Variants in HNF4G observed in about 807,000 individuals in gnomAD.
HNF4G encodes the protein hepatocyte nuclear factor 4 gamma, also known as hepatocyte nuclear factor 4-gamma.
In HNF4G, 21 loss-of-function variants were observed where a neutral mutation model predicts 50.9. That is an observed-to-expected ratio of 0.41 (90% CI 0.29 to 0.59). The LOEUF is 0.59. Ranked by LOEUF, HNF4G falls within the 20% of genes least tolerant of loss-of-function variation. The pLI is 0.26. For synonymous variants in HNF4G, 198 were observed against 185.6 expected (o/e 1.07, Z -0.54); for missense variants, 527 against 559.4 (o/e 0.94, Z 0.58).
intron 1 of HNF4G, among the ~76,000 whole-genome samples, chr8:75,469,294 C>G (rs972312801): frequency 6.6e-6 from 1 of 152,088 alleles, no homozygotes; most frequent in African/African-American, 2.4e-5. Flanking sequence ...GAAATATACC[C>G]CACCCACAGT....
intron 2 of HNF4G, among the ~76,000 whole-genome samples, chr8:75,523,249 A>AT: frequency 6.6e-6 from 1 of 152,010 alleles, no homozygotes; most frequent in South Asian, 2.1e-4. Context: ...AAGAAAGACA[A>AT]TTTTTCAATC....
chr8:75,560,194 C>G, intron 8 of HNF4G, 150 bp from the exon 9 acceptor site: 1 of 652,240 alleles, frequency 1.5e-6, no homozygotes, highest in East Asian at 2.9e-5. Flanking sequence ...TCTTAATATG[C>G]CAGTGGTTCT....
At chr8:75,487,411 A>G (rs188997692) in intron 1 of HNF4G, among the ~76,000 whole-genome samples, 1 of 152,302 alleles carries the variant, frequency 6.6e-6, no homozygotes, top group African/African-American at 2.4e-5. Flanking sequence ...CAAATCTTTA[A>G]TGGCTTCCAA....
Position 75,518,768 on chromosome 8 carries a change from G to A in HNF4G, c.-23-25043G>A, listed in dbSNP as rs1394525512. Among the ~76,000 whole-genome samples, 3 of 151,902 alleles carry A rather than the reference G, an allele frequency of 2.0e-5. 1 individual carries two copies. Among genetic ancestry groups the A allele is most frequent in the Non-Finnish European group, 4.4e-5 (3 of 67,996 alleles). ...TTTTTTTTTTCCTCCTAGACCTCCT[G>A]GCTTGTGATGGGAGGGACTGCCACG... On this transcript the variant is annotated intron_variant, in intron 2 of 10. Transcript: ENST00000354370.
rs539269980 is a variant in HNF4G, at chr8:75,529,246, G to C, written c.-23-14565G>C. Among the ~76,000 whole-genome samples, 33 of 151,876 alleles carry C rather than the reference G, an allele frequency of 2.2e-4. No homozygotes were observed. The South Asian group carries it at 6.3e-3, about 29-fold the overall frequency. On this transcript the variant is annotated intron_variant, in intron 2 of 10. Coordinates refer to the HNF4G transcript ENST00000354370. Reference sequence around the variant, plus strand: ...GCGGAGCTTGCAGTGAGCTGAGATCGCGCCACTGCACTCCAGCCTGGGCAA... The same window carrying C: ...GCGGAGCTTGCAGTGAGCTGAGATCCCGCCACTGCACTCCAGCCTGGGCAA...
chr8:75,503,438 G>A (rs915487107), intron 2 of HNF4G, among the ~76,000 whole-genome samples: 2 of 152,088 alleles, frequency 1.3e-5, no homozygotes, highest in East Asian at 3.9e-4. Context: ...AAGAGAGTTG[G>A]GTGTACAGTG....
At chr8:75,556,750 T>G (rs912531075) in intron 6 of HNF4G, among the ~76,000 whole-genome samples, 2 of 152,222 alleles carry the variant, frequency 1.3e-5, no homozygotes, top group African/African-American at 4.8e-5. Flanking sequence ...TGTGAAAATA[T>G]GACTAGATTA....
In HNF4G at chr8:75,457,128, T is replaced by C. The variant is rs1033142047; in HGVS notation, c.-143-32961T>C. 1.1e-4 allele frequency among the ~76,000 whole-genome samples: 16 copies of C among 152,346 alleles called. No homozygotes were observed. In the East Asian group the frequency reaches 1.5e-3, roughly 15 times the overall value. On this transcript the variant is annotated intron_variant, in intron 1 of 10. Transcript: ENST00000354370. ...TCCATTGGCTAATGAATTGATTCAG[T>C]CATTTACCAAGCATCTGAAGCATTC... is the stretch of plus-strand genomic sequence containing the variant.
Position 75,564,118 on chromosome 8 carries a change from G to C in HNF4G, c.*22G>C. 1 of 1,611,180 alleles carries C rather than the reference G, an allele frequency of 6.2e-7. No homozygotes were observed. Among genetic ancestry groups the C allele is most frequent in the Non-Finnish European group, 8.5e-7 (1 of 1,178,406 alleles). On this transcript the variant is annotated 3_prime_UTR_variant, in exon 10 of 10. Transcript: ENST00000396423. ...GTGAAAATGTGTTTACTTCAGAACG[G>C]CACTACATAAATGTGAAAAGTTGTT...
At chr8:75,512,809 T>G (rs1222124521) in intron 2 of HNF4G, among the ~76,000 whole-genome samples, 1 of 152,114 alleles carries the variant, frequency 6.6e-6, no homozygotes, top group Non-Finnish European at 1.5e-5. Flanking sequence ...ATCACATGAA[T>G]AGATTTGCAA....
intron 1 of HNF4G, among the ~76,000 whole-genome samples, chr8:75,487,250 TA>T (rs1812520171): frequency 7.0e-6 from 1 of 143,206 alleles, no homozygotes; most frequent in African/African-American, 2.6e-5. Flanking sequence ...GCGATTCTTA[TA>T]TTTTTTTATT....
chr8:75,513,048 C>A (rs996610629), intron 2 of HNF4G, among the ~76,000 whole-genome samples: 1 of 151,968 alleles, frequency 6.6e-6, no homozygotes, highest in Non-Finnish European at 1.5e-5. Context: ...TTTCTGTTTT[C>A]TTTTTTGAGA....
chr8:75,493,636 A>G (rs574759368), intron 2 of HNF4G, among the ~76,000 whole-genome samples: 43 of 152,198 alleles, frequency 2.8e-4, no homozygotes, highest in African/African-American at 8.4e-4. Context: ...AAAAAAGTAT[A>G]TTTTTAAATT....
At chr8:75,449,412 G>T (rs1294792042) in intron 1 of HNF4G, among the ~76,000 whole-genome samples, 1 of 151,614 alleles carries the variant, frequency 6.6e-6, no homozygotes, top group Admixed American at 6.6e-5. Flanking sequence ...AATTTTTGGT[G>T]TACTACATGA....
chr8:75,415,861 A>G (rs1190230851), intron 1 of HNF4G, among the ~76,000 whole-genome samples: 1 of 152,174 alleles, frequency 6.6e-6, no homozygotes, highest in Non-Finnish European at 1.5e-5. Context: ...AAGGCTCAGA[A>G]GGGCACTTTC....
intron 3 of HNF4G, among the ~76,000 whole-genome samples, chr8:75,547,921 T>C (rs539051236): frequency 8.3e-4 from 127 of 152,202 alleles, no homozygotes; most frequent in African/African-American, 3.0e-3. Context: ...CACCATTACA[T>C]TGTCCAAGGC....
chr8:75,528,544 G>T (rs541002744), intron 2 of HNF4G, among the ~76,000 whole-genome samples: 1 of 152,186 alleles, frequency 6.6e-6, no homozygotes, highest in East Asian at 1.9e-4. Flanking sequence ...GAAAAATGAG[G>T]TCCCTCATAG....
At chr8:75,563,900 G>C in intron 9 of HNF4G, 75 bp from the exon 10 acceptor site, 2 of 1,495,082 alleles carry the variant, frequency 1.3e-6, no homozygotes, top group Middle Eastern at 1.8e-4. Context: ...AATGTGTATT[G>C]GTGTTATGTA....
At chr8:75,503,251 A>T (rs1411831211) in intron 2 of HNF4G, among the ~76,000 whole-genome samples, 1 of 152,196 alleles carries the variant, frequency 6.6e-6, no homozygotes, top group Non-Finnish European at 1.5e-5. Flanking sequence ...TTGGGCAATT[A>T]CTAAATGCTC....
Sources: allele counts gnomAD v4.1 joint callset (sites outside exome capture counted in the v4.1 genomes callset), GRCh38; gene constraint gnomAD v4.1.1; transcripts MANE v1.5; gene names NCBI Gene and HGNC (gene_info 2026-07-23, HGNC 2026-07-21).